ZNF423: variants seen among roughly 807,000 people sequenced by gnomAD.
ZNF423 encodes zinc finger protein 423.
In ZNF423, 12 loss-of-function variants were observed where a neutral mutation model predicts 95.8. The ratio of observed to expected loss-of-function variants is 0.13; its 90% CI spans 0.08 to 0.20. ZNF423 has a LOEUF of 0.20. ZNF423 is among the 10% of genes least tolerant of loss of function. The probability of loss-of-function intolerance (pLI) is 1.00; values close to 1 mark genes in which losing one functional copy is unlikely to be tolerated. For synonymous variants in ZNF423, 749 were observed against 711.9 expected (o/e 1.05, Z -0.83); for missense variants, 1,316 against 1,737.1 (o/e 0.76, Z 4.31).
intron 2 of ZNF423, among the ~76,000 whole-genome samples, chr16:49,746,780 G>T (rs1258903500): frequency 6.6e-6 from 1 of 152,140 alleles, no homozygotes; most frequent in East Asian, 1.9e-4. Flanking sequence ...CCAAGACTGG[G>T]CGCTTTCTAA....
At chr16:49,682,930 G>A (rs965777795) in intron 3 of ZNF423, among the ~76,000 whole-genome samples, 35 of 152,240 alleles carry the variant, frequency 2.3e-4, no homozygotes, top group African/African-American at 7.2e-4. Flanking sequence ...CACAACCAGC[G>A]CAGAGCCGCA....
intron 4 of ZNF423, among the ~76,000 whole-genome samples, chr16:49,631,096 G>A (rs1198696041): frequency 6.6e-6 from 1 of 152,120 alleles, no homozygotes; most frequent in Non-Finnish European, 1.5e-5. Flanking sequence ...CCACATGGGT[G>A]AACAAGGCCA....
At chr16:49,573,526 G>C (rs1970411367) in intron 5 of ZNF423, among the ~76,000 whole-genome samples, 1 of 152,170 alleles carries the variant, frequency 6.6e-6, no homozygotes, top group Admixed American at 6.5e-5. Flanking sequence ...ATGTGGCACA[G>C]GGCATCACAT....
At chr16:49,808,579 A>G (rs1274275060) in intron 1 of ZNF423, among the ~76,000 whole-genome samples, 1 of 152,032 alleles carries the variant, frequency 6.6e-6, no homozygotes, top group African/African-American at 2.4e-5. Flanking sequence ...TCCTAAATGG[A>G]TCTCCGGGAA....
rs114833747 is a variant in ZNF423 at position 49,693,015 on chromosome 16, A to G, written c.301+37756T>C. Among the ~76,000 whole-genome samples the G allele has an allele frequency of 3.5e-3, 535 of 152,390 alleles. 4 individuals carry two copies. Among genetic ancestry groups the G allele is most frequent in the African/African-American group, 0.013 (522 of 41,598 alleles). On this transcript the variant is annotated intron_variant, in intron 3 of 7. Coordinates refer to ENST00000563137, the MANE Select transcript of ZNF423 (RefSeq NM_001379286.1). ...CTCTGTGAGTTCCACAAGGGCAAAC[A>G]TTATGATGTATTCACTTGCTTGGAT... is the stretch of plus-strand genomic sequence containing the variant.
At chr16:49,830,811 C>A (rs887513284) in intron 1 of ZNF423, among the ~76,000 whole-genome samples, 1 of 152,112 alleles carries the variant, frequency 6.6e-6, no homozygotes, top group Non-Finnish European at 1.5e-5. Context: ...CAGCTAAGTT[C>A]TCTGCAGCCA....
chr16:49,521,943 C>G (rs1003811770), intron 7 of ZNF423, among the ~76,000 whole-genome samples: 4 of 152,228 alleles, frequency 2.6e-5, no homozygotes, highest in Admixed American at 2.6e-4. Context: ...CGGGCCCAGG[C>G]CTGGCAGTGT....
At chr16:49,502,878 A>C (rs113827823) in intron 7 of ZNF423, among the ~76,000 whole-genome samples, 1 of 73,034 alleles carries the variant, frequency 1.4e-5, no homozygotes, top group East Asian at 4.1e-4. Flanking sequence ...CCATGTGCCC[A>C]CACACATAGG....
At chr16:49,663,567 C>G (rs529591798) in intron 3 of ZNF423, among the ~76,000 whole-genome samples, 1 of 152,340 alleles carries the variant, frequency 6.6e-6, no homozygotes, top group East Asian at 1.9e-4. Context: ...CAGCTGCACT[C>G]TGGTGGCCTC....
At chr16:49,694,759 G>A (rs199861238) in intron 3 of ZNF423, among the ~76,000 whole-genome samples, 23 of 152,312 alleles carry the variant, frequency 1.5e-4, no homozygotes, top group Middle Eastern at 3.4e-3. Context: ...GGCAGGCACC[G>A]CCAGCCACAC....
intron 5 of ZNF423, among the ~76,000 whole-genome samples, chr16:49,621,513 G>T (rs1053226700): frequency 1.3e-5 from 2 of 152,136 alleles, no homozygotes; most frequent in Non-Finnish European, 2.9e-5. Context: ...CCGGTTTACC[G>T]CCCCGCAGGG....
At position 49,694,848 on chromosome 16, in the gene ZNF423, A is replaced by G. The variant is rs1303042715; in HGVS notation, c.301+35923T>C. 2.6e-5 allele frequency among the ~76,000 whole-genome samples: 4 copies of G among 152,360 alleles called. No individual in the cohort carries two copies. In the East Asian group the frequency reaches 7.7e-4, roughly 29 times the overall value. ...TGGGAAATACTTGTGAGCATTTCCA[A>G]CACACAAAATAGGGTCTGGTTTCAT... On this transcript the variant is annotated intron_variant, in intron 3 of 7. Transcript: ENST00000563137.
intron 7 of ZNF423, among the ~76,000 whole-genome samples, chr16:49,507,334 A>T (rs1337234168): frequency 6.6e-6 from 1 of 151,884 alleles, no homozygotes; most frequent in East Asian, 1.9e-4. Context: ...GGGTCTCATT[A>T]TGTTGTCCAG....
chr16:49,558,781 A>G (rs1969924206), intron 5 of ZNF423, among the ~76,000 whole-genome samples: 1 of 152,224 alleles, frequency 6.6e-6, no homozygotes, highest in Non-Finnish European at 1.5e-5. Context: ...AACCTCCAGA[A>G]GACATTTATT....
intron 5 of ZNF423, among the ~76,000 whole-genome samples, chr16:49,583,979 GAGC>G (rs1239815692): frequency 6.6e-6 from 1 of 152,250 alleles, no homozygotes; most frequent in African/African-American, 2.4e-5. Context: ...CTTGTTCACT[GAGC>G]AGATACCAGC....
intron 3 of ZNF423, among the ~76,000 whole-genome samples, chr16:49,706,385 T>TCAGA (rs1435621454): frequency 6.6e-6 from 1 of 152,208 alleles, no homozygotes; most frequent in East Asian, 1.9e-4. Context: ...GCCTGGCCAA[T>TCAGA]CAGACAGACA....
At chr16:49,580,569 G>T (rs938440919) in intron 5 of ZNF423, among the ~76,000 whole-genome samples, 4 of 152,088 alleles carry the variant, frequency 2.6e-5, no homozygotes, top group Admixed American at 2.0e-4. Context: ...CATTGCCAAG[G>T]GATGAAGAAA....
In ZNF423 at chr16:49,635,520, A is replaced by G; in HGVS notation, c.3516+140T>C. The G allele has an allele frequency of 9.1e-7, 1 of 1,094,254 alleles. No homozygotes were observed. Among genetic ancestry groups the G allele is most frequent in the Non-Finnish European group, 1.2e-6 (1 of 804,466 alleles). The allele number at this position is 1,094,254 out of a possible 1,614,324, so 67.8% of individuals were successfully genotyped here. On this transcript the variant is annotated intron_variant, in intron 4 of 7. Transcript: ENST00000563137. This position sits in a 1 kb window ranked among gnomAD's most constrained non-coding sequence, Gnocchi z 4.8. Reference sequence around the variant, plus strand: ...GCTGAGGTTCAAACTCAAGGAGTCTACAGCACAGCAGTTCTGTTTTGCCAC... The same window carrying G: ...GCTGAGGTTCAAACTCAAGGAGTCTGCAGCACAGCAGTTCTGTTTTGCCAC...
At position 49,692,645 on chromosome 16, in the gene ZNF423, A is replaced by G. The variant is rs11859390; in HGVS notation, c.301+38126T>C. Among the ~76,000 whole-genome samples, 584 of 152,334 alleles carry G rather than the reference A, an allele frequency of 3.8e-3. 6 individuals are homozygous for G. Among genetic ancestry groups the G allele is most frequent in the African/African-American group, 0.013 (523 of 41,580 alleles). Reference sequence around the variant, plus strand: ...GCCACACAGGGGAAAGCTTGGAGAAAGGATGAGGAGGAGGCAGGGGAAGCT... The same window carrying G: ...GCCACACAGGGGAAAGCTTGGAGAAGGGATGAGGAGGAGGCAGGGGAAGCT... On this transcript the variant is annotated intron_variant, in intron 3 of 7. Transcript: ENST00000563137.
Sources: gnomAD v4.1 joint callset for allele counts (sites outside exome capture counted in the v4.1 genomes callset) on GRCh38, gnomAD v4.1.1 for gene constraint, Gnocchi (gnomAD v3.1) non-coding constraint, MANE v1.5 for transcripts, NCBI Gene and HGNC (gene_info 2026-07-23, HGNC 2026-07-21) for gene names.